FBXO4: variants seen among roughly 807,000 people sequenced by gnomAD.
The protein encoded by FBXO4 is F-box only protein 4.
A neutral mutation model predicts 43.7 loss-of-function variants in FBXO4; 36 were observed. That is an observed-to-expected ratio of 0.82 (90% CI 0.63 to 1.09). FBXO4 has a LOEUF of 1.09. Among genes scored for constraint, FBXO4 ranks in the 50% least tolerant of loss-of-function variants. FBXO4 has a pLI of 0.00. For synonymous variants in FBXO4, 180 were observed against 165.6 expected, an observed-to-expected ratio of 1.09 and a Z score of -0.67; for missense variants, 435 against 474.1, an observed-to-expected ratio of 0.92 and a Z score of 0.77.
chr5:41,936,508 G>C (rs1264307374), intron 5 of FBXO4, among the ~76,000 whole-genome samples: 1 of 152,122 alleles, frequency 6.6e-6, no homozygotes, highest in Non-Finnish European at 1.5e-5. Context: ...ACTCCAGCCT[G>C]GGTGACAGAG....
At chr5:41,999,966 A>G in the FBXO4 span, among the ~76,000 whole-genome samples, 534 of 152,138 alleles carry the variant, frequency 3.5e-3, 2 homozygotes, top group African/African-American at 0.012. Context: ...AGTACCCAAC[A>G]TTTCCCCATT....
At chr5:42,000,375 T>C in the FBXO4 span, among the ~76,000 whole-genome samples, 359 of 152,340 alleles carry the variant, frequency 2.4e-3, 1 homozygote, top group African/African-American at 8.3e-3. Flanking sequence ...GTATCTAACA[T>C]AAAAGTTGAA....
chr5:42,030,558 A>G, the FBXO4 span, among the ~76,000 whole-genome samples: 3 of 151,988 alleles, frequency 2.0e-5, no homozygotes, highest in African/African-American at 7.2e-5. Flanking sequence ...CAAGGACTTC[A>G]TGTCTAAAAC....
At chr5:41,970,815 A>G in the FBXO4 span, among the ~76,000 whole-genome samples, 1 of 152,026 alleles carries the variant, frequency 6.6e-6, no homozygotes, top group Non-Finnish European at 1.5e-5. Context: ...TATACAATAC[A>G]GAATATAGAC....
the FBXO4 span, among the ~76,000 whole-genome samples, chr5:42,022,914 C>T: frequency 1.3e-5 from 2 of 151,886 alleles, no homozygotes; most frequent in African/African-American, 4.8e-5. Flanking sequence ...GCAAGAAAGG[C>T]TCAGATTATT....
At chr5:41,936,335 C>G (rs930988395) in intron 5 of FBXO4, among the ~76,000 whole-genome samples, 1 of 152,078 alleles carries the variant, frequency 6.6e-6, no homozygotes, top group Admixed American at 6.6e-5. Flanking sequence ...GAGTTTGACA[C>G]CAGCCTGGGC....
At chr5:41,964,742 C>G in the FBXO4 span, among the ~76,000 whole-genome samples, 2 of 151,556 alleles carry the variant, frequency 1.3e-5, no homozygotes, top group African/African-American at 4.9e-5. Context: ...TTGTTTTTTT[C>G]TTGTAAATTT....
chr5:41,925,413 G>A lies in FBXO4; in HGVS notation c.104G>A (p.Trp35Ter), dbSNP rs1215509317. Reference sequence around the variant, plus strand: ...ATCCTCAGCGGCTGGAAGACCTTCTGGCAGTCAGTGAGCAAGGAGAGGGTG... The same window carrying A: ...ATCCTCAGCGGCTGGAAGACCTTCTAGCAGTCAGTGAGCAAGGAGAGGGTG... ...AAILSGWKTF[W>*]QSVSKERVAR... The change falls in exon 1 of 7, where the codon TGG becomes TAG. Residue 35 changes from tryptophan to a stop codon, truncating the protein, a stop_gained. Coordinates refer to ENST00000281623, the MANE Select transcript of FBXO4 (RefSeq NM_012176.3). LOFTEE classifies it high-confidence loss of function. 2.2e-6 allele frequency: 3 copies of A among 1,384,580 alleles called. No individual in the cohort carries two copies. The highest frequency in any genetic ancestry group is 1.6e-5 in the South Asian group (1 of 60,654). 85.8% of individuals were successfully genotyped at this position (1,384,580 alleles called of 1,614,324 possible).
chr5:42,004,386 G>A, the FBXO4 span, among the ~76,000 whole-genome samples: 1 of 152,026 alleles, frequency 6.6e-6, no homozygotes, highest in African/African-American at 2.4e-5. Context: ...ATTTTCTTAA[G>A]GTGAAGAGTA....
downstream of FBXO4, among the ~76,000 whole-genome samples, chr5:41,943,092 C>G (rs1168692079): frequency 6.6e-6 from 1 of 151,882 alleles, no homozygotes; most frequent in Non-Finnish European, 1.5e-5. Flanking sequence ...GAAATTGAGA[C>G]CCAGAGAAAA....
the FBXO4 span, among the ~76,000 whole-genome samples, chr5:41,996,330 C>T: frequency 6.6e-6 from 1 of 152,144 alleles, no homozygotes; most frequent in Non-Finnish European, 1.5e-5. Context: ...CATAGTCAAA[C>T]GTTCAGTTTC....
At chr5:41,983,622 C>T in the FBXO4 span, among the ~76,000 whole-genome samples, 1 of 152,128 alleles carries the variant, frequency 6.6e-6, no homozygotes, top group South Asian at 2.1e-4. Context: ...CTTGGCCCAT[C>T]ACTTTTCTTT....
chr5:41,927,143 T>G lies in FBXO4; in HGVS notation c.320T>G (p.Leu107Arg). Reference sequence around the variant, plus strand: ...TGGAGATACTTTTTGTTGAGGGATCTTCCTTCTTGGTCTTCTGTTGACTGG... The same window carrying G: ...TGGAGATACTTTTTGTTGAGGGATCGTCCTTCTTGGTCTTCTGTTGACTGG... Reference protein sequence around the residue: ...ILWRYFLLRDLPSWSSVDWKS... With the variant: ...ILWRYFLLRDRPSWSSVDWKS... The change falls in exon 2 of 7, where the codon CTT (leucine) becomes CGT (arginine). Residue 107 changes from leucine to arginine, a missense_variant. Leu to Arg is a moderately radical substitution (Grantham distance 102). Coordinates refer to ENST00000281623, the MANE Select transcript of FBXO4 (RefSeq NM_012176.3). 1 of 1,613,968 alleles carries G rather than the reference T, an allele frequency of 6.2e-7. No individual in the cohort carries two copies. The highest frequency in any genetic ancestry group is 8.5e-7 in the Non-Finnish European group (1 of 1,179,936).
At chr5:41,962,967 G>A in the FBXO4 span, among the ~76,000 whole-genome samples, 5 of 152,170 alleles carry the variant, frequency 3.3e-5, no homozygotes, top group African/African-American at 1.2e-4. Context: ...CCAAAGAGAG[G>A]TGTGTAACTT....
downstream of FBXO4, among the ~76,000 whole-genome samples, chr5:41,942,978 T>G (rs1249195297): frequency 6.6e-6 from 1 of 152,164 alleles, no homozygotes; most frequent in African/African-American, 2.4e-5. Flanking sequence ...CTAGCCTTTA[T>G]GACAGCTGTG....
At chr5:41,951,857 G>T in the FBXO4 span, 1 of 229,054 alleles carries the variant, frequency 4.4e-6, no homozygotes, top group South Asian at 6.7e-5. Context: ...AAGGCTGCCT[G>T]GATCTGGTTA....
At chr5:41,991,434 T>C in the FBXO4 span, among the ~76,000 whole-genome samples, 1 of 152,236 alleles carries the variant, frequency 6.6e-6, no homozygotes. Flanking sequence ...TGTGAGGTCT[T>C]TTTGTGAAAG....
chr5:41,926,985 TCCTACCTGCTGC>T lies in FBXO4; in HGVS notation c.190-27_190-16del. Reference sequence around the variant, plus strand: ...AAAAACTATTTTCTTCATTCCTTTTTCCTACCTGCTGCTTTCTTCTGTTTCAGATTGATGTAC... The same window carrying T: ...AAAAACTATTTTCTTCATTCCTTTTTTTTCTTCTGTTTCAGATTGATGTAC... On this transcript the variant is annotated splice_polypyrimidine_tract_variant and intron_variant, in intron 1 of 6. Coordinates refer to ENST00000281623, the MANE Select transcript of FBXO4 (RefSeq NM_012176.3). 1 of 1,439,240 alleles carries T rather than the reference TCCTACCTGCTGC, an allele frequency of 6.9e-7. No homozygotes were observed. Among genetic ancestry groups the T allele is most frequent in the Non-Finnish European group, 9.5e-7 (1 of 1,055,942 alleles). 89.2% of individuals were successfully genotyped at this position (1,439,240 alleles called of 1,614,324 possible). A position where few individuals can be genotyped will look rare whatever the true frequency, so the allele number is the denominator to read the frequency against.
chr5:41,984,162 C>T, the FBXO4 span, among the ~76,000 whole-genome samples: 1 of 152,028 alleles, frequency 6.6e-6, no homozygotes, highest in Non-Finnish European at 1.5e-5. Flanking sequence ...TTATCCATGG[C>T]ATTTTTAATA....
Sources: allele counts gnomAD v4.1 joint callset (sites outside exome capture counted in the v4.1 genomes callset), GRCh38; gene constraint gnomAD v4.1.1; transcripts MANE v1.5; gene names NCBI Gene and HGNC (gene_info 2026-07-23, HGNC 2026-07-21).